The following ANAPC7 variants were observed in gnomAD, a reference collection of about 807,000 sequenced individuals.
ANAPC7 encodes anaphase-promoting complex subunit 7.
ANAPC7 carries 25 observed loss-of-function variants against 63.3 expected under a neutral mutation model. The ratio of observed to expected loss-of-function variants is 0.39; its 90% CI spans 0.29 to 0.55. ANAPC7 has a LOEUF of 0.55. Among genes scored for constraint, ANAPC7 ranks in the 20% least tolerant of loss-of-function variants. The probability of loss-of-function intolerance (pLI) is 0.57; values close to 1 mark genes in which losing one functional copy is unlikely to be tolerated. For synonymous variants in ANAPC7, 241 were observed against 251.7 expected, an observed-to-expected ratio of 0.96 and a Z score of 0.40; for missense variants, 516 against 691.7, an observed-to-expected ratio of 0.75 and a Z score of 2.85.
chr12:110,390,153 C>T (rs1342000167), intron 3 of ANAPC7, among the ~76,000 whole-genome samples: 1 of 151,894 alleles, frequency 6.6e-6, no homozygotes, highest in Non-Finnish European at 1.5e-5. Flanking sequence ...ACTGCAACCT[C>T]TGCCTCCTGG....
intron 6 of ANAPC7, among the ~76,000 whole-genome samples, chr12:110,383,880 AAAAAAAAAAAAAAAAAAAG>A (rs1882185986): frequency 7.6e-6 from 1 of 131,662 alleles, no homozygotes; most frequent in Admixed American, 7.2e-5. Context: ...CGTCTCAAAA[AAAAAAAAAAAAAAAAAAAG>A]AAAAAAAAAA....
chr12:110,397,076 C>T (rs1178751692), intron 1 of ANAPC7, among the ~76,000 whole-genome samples: 2 of 151,676 alleles, frequency 1.3e-5, no homozygotes, highest in African/African-American at 2.4e-5. Flanking sequence ...TGGTGGCAGG[C>T]GCCTGTAGTC....
chr12:110,379,907 T>C (rs1246186320), intron 8 of ANAPC7, among the ~76,000 whole-genome samples: 1 of 152,150 alleles, frequency 6.6e-6, no homozygotes, highest in Non-Finnish European at 1.5e-5. Context: ...ACTTAAAATA[T>C]TACATAACAA....
At chr12:110,385,446 C>G (rs1315734707) in intron 6 of ANAPC7, among the ~76,000 whole-genome samples, 1 of 152,228 alleles carries the variant, frequency 6.6e-6, no homozygotes, top group Admixed American at 6.5e-5. Context: ...TGCAATGCTC[C>G]TGCTAGCCCC....
chr12:110,402,647 AAGCAGG>A (rs889741753), intron 1 of ANAPC7, among the ~76,000 whole-genome samples: 5 of 151,388 alleles, frequency 3.3e-5, no homozygotes, highest in African/African-American at 1.2e-4. Context: ...AAAGGATATT[AAGCAGG>A]AGAGGGACAT....
intron 3 of ANAPC7, among the ~76,000 whole-genome samples, chr12:110,392,359 A>G (rs1401529874): frequency 6.7e-6 from 1 of 149,916 alleles, no homozygotes; most frequent in African/African-American, 2.5e-5. Context: ...TAATACCTTA[A>G]TATGAGGAGG....
Position 110,374,327 on chromosome 12 carries a change from G to A in ANAPC7, c.1515C>T (p.Asp505=). ...MDQYSIALSL[D]PNDQKSLEGM... is the part of the protein sequence containing the mutation. The stretch of plus-strand genomic sequence containing the variant: ...CCTCTAGAGACTTCTGGTCATTGGG[G>A]TCCAAACTAGGGGACAACAAAACAA... Residue 505 remains aspartate (D), a synonymous_variant, in exon 11 of 11, where the codon GAC becomes GAT. Transcript: ENST00000455511. The A allele has an allele frequency of 6.2e-7, 1 of 1,613,734 alleles. No individual in the cohort carries two copies. The highest frequency in any genetic ancestry group is 8.5e-7 in the Non-Finnish European group (1 of 1,179,852).
At chr12:110,397,017 C>T (rs995622604) in intron 1 of ANAPC7, among the ~76,000 whole-genome samples, 9 of 150,712 alleles carry the variant, frequency 6.0e-5, no homozygotes, top group African/African-American at 2.0e-4. Flanking sequence ...TCCTGGCTAA[C>T]GCGGTGAAAC....
chr12:110,386,989 G>A (rs1455571682), intron 5 of ANAPC7: 1 of 152,402 alleles, frequency 6.6e-6, no homozygotes, highest in East Asian at 1.9e-4. Flanking sequence ...CAGCACTTTG[G>A]GAGGCCCACG....
intron 8 of ANAPC7, among the ~76,000 whole-genome samples, chr12:110,380,045 C>A (rs1881670723): frequency 6.6e-6 from 1 of 152,134 alleles, no homozygotes; most frequent in Non-Finnish European, 1.5e-5. Context: ...GGTAAGATGG[C>A]CACGAAAAAG....
chr12:110,378,219 C>CG (rs887179275), intron 8 of ANAPC7: 1 of 154,006 alleles, frequency 6.5e-6, no homozygotes, highest in African/African-American at 2.4e-5. Flanking sequence ...CTCAGCCTCC[C>CG]GAGTAGCTGG....
At position 110,373,889 on chromosome 12, in the gene ANAPC7, A is replaced by G; in HGVS notation, c.*255T>C. Reference sequence around the variant, plus strand: ...GTACTCTTGGCCCAGAAGCCCCAACATGTGCGTGGGTCTCGGGGCACTCCC... The same window carrying G: ...GTACTCTTGGCCCAGAAGCCCCAACGTGTGCGTGGGTCTCGGGGCACTCCC... On this transcript the variant is annotated 3_prime_UTR_variant, in exon 11 of 11. Coordinates refer to ENST00000455511, the MANE Select transcript of ANAPC7 (RefSeq NM_016238.3). 2.5e-6 allele frequency: 1 copy of G among 398,284 alleles called. No homozygotes were observed. The highest frequency in any genetic ancestry group is 1.1e-4 in the South Asian group (1 of 9,202). The allele number at this position is 398,284 out of a possible 1,614,324, so 24.7% of individuals were successfully genotyped here.
At chr12:110,382,560 CCTCTTTTTA>C (rs977781799) in intron 7 of ANAPC7, among the ~76,000 whole-genome samples, 1 of 141,570 alleles carries the variant, frequency 7.1e-6, no homozygotes, top group Non-Finnish European at 1.5e-5. Context: ...CAAGTAATTA[CCTCTTTTTA>C]TTTTTATTTA....
At position 110,373,103 on chromosome 12, in the gene ANAPC7, C is replaced by T. The variant is rs995843521; in HGVS notation, c.*1041G>A. 6.6e-6 allele frequency: 1 copy of T among 152,120 alleles called. No homozygotes were observed. Among genetic ancestry groups the T allele is most frequent in the Admixed American group, 6.6e-5 (1 of 15,266 alleles). 9.4% of individuals were successfully genotyped at this position (152,120 alleles called of 1,614,324 possible). On this transcript the variant is annotated 3_prime_UTR_variant, in exon 11 of 11. Coordinates refer to ENST00000455511, the MANE Select transcript of ANAPC7 (RefSeq NM_016238.3). ...ATTAATTGTATACTCAGAGCCATCG[C>T]AACTTAAGGCACAAGGGAGAGGGTG...
chr12:110,388,662 T>A, intron 3 of ANAPC7, 39 bp from the exon 4 acceptor site: 1 of 1,426,992 alleles, frequency 7.0e-7, no homozygotes, highest in African/African-American at 1.4e-5. Context: ...AATAAGCGTA[T>A]ATTGCAAAGA....
intron 8 of ANAPC7, among the ~76,000 whole-genome samples, chr12:110,380,958 A>T (rs993212879): frequency 7.9e-4 from 119 of 151,410 alleles, no homozygotes; most frequent in African/African-American, 2.7e-3. Flanking sequence ...GGAGTAAGAG[A>T]AAAAAAATAG....
At chr12:110,387,261 G>GAGAGAC (rs1882573771) in intron 5 of ANAPC7, 6 of 111,658 alleles carry the variant, frequency 5.4e-5, no homozygotes, top group Non-Finnish European at 9.8e-5. Context: ...GAGACAGAGA[G>GAGAGAC]AGAGAGAGAG....
intron 1 of ANAPC7, among the ~76,000 whole-genome samples, chr12:110,399,794 CA>C (rs60764482): frequency 0.17 from 10,483 of 60,718 alleles, 325 homozygotes; most frequent in Middle Eastern, 0.23. Context: ...CTGTCTCAGA[CA>C]AAAAAAAAAA....
chr12:110,396,636 G>A (rs1566277561), intron 1 of ANAPC7, 184 bp from the exon 2 acceptor site: 5 of 444,510 alleles, frequency 1.1e-5, no homozygotes, highest in South Asian at 5.3e-5. Context: ...TCAGCCTCCC[G>A]AGTAGCTGAG....
Sources: gnomAD v4.1 joint callset for allele counts (sites outside exome capture counted in the v4.1 genomes callset) on GRCh38, gnomAD v4.1.1 for gene constraint, MANE v1.5 for transcripts, NCBI Gene and HGNC (gene_info 2026-07-23, HGNC 2026-07-21) for gene names.